Variants in JARID2 observed in about 807,000 individuals in gnomAD.
JARID2 encodes the protein jumonji and AT-rich interaction domain containing 2.
In JARID2, 21 loss-of-function variants were observed where a neutral mutation model predicts 125.6. That is an observed-to-expected ratio of 0.17 (90% CI 0.12 to 0.24). JARID2 has a LOEUF of 0.24. JARID2 is among the 10% of genes least tolerant of loss of function. The pLI is 1.00. For synonymous variants in JARID2, 736 were observed against 661.6 expected, an observed-to-expected ratio of 1.11 and a Z score of -1.73; for missense variants, 1,303 against 1,639.6, an observed-to-expected ratio of 0.79 and a Z score of 3.55.
At chr6:15,284,963 C>T (rs1216331224) in intron 1 of JARID2, among the ~76,000 whole-genome samples, 2 of 152,064 alleles carry the variant, frequency 1.3e-5, no homozygotes, top group African/African-American at 4.8e-5. Flanking sequence ...GCGCCCCTCA[C>T]CTGGATTGCA....
In JARID2 at chr6:15,452,231, G is replaced by A. The variant is rs186866031; in HGVS notation, c.493+56G>A. The A allele has an allele frequency of 2.8e-5, 44 of 1,592,826 alleles. 1 individual carries two copies. The East Asian group carries it at 9.6e-4, about 35-fold the overall frequency. On this transcript the variant is annotated intron_variant, in intron 4 of 17. Transcript: ENST00000341776. ...ACGTGGAATCTACATGTAAGCCTGA[G>A]GTCTACGTGGAGTAACCTTAGCTTT...
At chr6:15,416,179 G>A (rs1040033107) in intron 3 of JARID2, among the ~76,000 whole-genome samples, 14 of 151,892 alleles carry the variant, frequency 9.2e-5, no homozygotes, top group African/African-American at 3.1e-4. Context: ...TGGCGGCCGG[G>A]CAGAGACGCT....
At chr6:15,384,846 T>G (rs1156347005) in intron 2 of JARID2, among the ~76,000 whole-genome samples, 1 of 152,172 alleles carries the variant, frequency 6.6e-6, no homozygotes, top group Non-Finnish European at 1.5e-5. Context: ...GTGTTAGAAT[T>G]ACAGGTGTGA....
intron 3 of JARID2, among the ~76,000 whole-genome samples, chr6:15,416,510 A>G (rs1043403421): frequency 6.6e-6 from 1 of 151,848 alleles, no homozygotes; most frequent in Non-Finnish European, 1.5e-5. Context: ...ACACAGCGAA[A>G]CCCCGTCTCC....
intron 4 of JARID2, among the ~76,000 whole-genome samples, chr6:15,460,084 G>T (rs1184484645): frequency 2.6e-5 from 4 of 152,154 alleles, no homozygotes; most frequent in African/African-American, 4.8e-5. Context: ...GGGGCTTTCA[G>T]TGGCCTTAAC....
chr6:15,499,007 T>G (rs1182876389), intron 7 of JARID2, among the ~76,000 whole-genome samples: 2 of 152,150 alleles, frequency 1.3e-5, no homozygotes, highest in African/African-American at 4.8e-5. Flanking sequence ...CAGCGCCTTT[T>G]GTTTAGAGTA....
chr6:15,385,629 GC>G (rs994790586), intron 2 of JARID2, among the ~76,000 whole-genome samples: 10 of 152,034 alleles, frequency 6.6e-5, no homozygotes. Context: ...GTTGACTGCT[GC>G]TTTTCCCTGT....
At chr6:15,307,156 C>T (rs1044481915) in intron 1 of JARID2, among the ~76,000 whole-genome samples, 3 of 151,956 alleles carry the variant, frequency 2.0e-5, no homozygotes, top group Admixed American at 1.3e-4. Context: ...GCGGGAGAAT[C>T]GCCTGAACCC....
chr6:15,444,848 T>A (rs1398521087), intron 3 of JARID2, among the ~76,000 whole-genome samples: 2 of 151,370 alleles, frequency 1.3e-5, no homozygotes, highest in African/African-American at 4.9e-5. Context: ...GCTTACGTTT[T>A]TAATATTGGA....
intron 17 of JARID2, among the ~76,000 whole-genome samples, chr6:15,517,529 C>A (rs937798834): frequency 6.6e-6 from 1 of 152,240 alleles, no homozygotes; most frequent in Non-Finnish European, 1.5e-5. Context: ...AGCCGCCCCC[C>A]CGGCTTTCCC....
intron 1 of JARID2, among the ~76,000 whole-genome samples, chr6:15,304,423 C>T (rs781170296): frequency 1.3e-5 from 2 of 150,118 alleles, no homozygotes; most frequent in Non-Finnish European, 2.9e-5. Context: ...CCAGAGGATT[C>T]TAAGCCTCCA....
At chr6:15,437,473 T>C (rs902518321) in intron 3 of JARID2, among the ~76,000 whole-genome samples, 1 of 152,168 alleles carries the variant, frequency 6.6e-6, no homozygotes, top group Admixed American at 6.5e-5. Flanking sequence ...GTTACTAGGG[T>C]TGTCTATCTG....
intron 4 of JARID2, among the ~76,000 whole-genome samples, chr6:15,459,926 T>G (rs1461971633): frequency 6.6e-6 from 1 of 152,228 alleles, no homozygotes; most frequent in South Asian, 2.1e-4. Flanking sequence ...GGGAATACTT[T>G]ACATTATGTA....
chr6:15,492,420 G>C (rs1184592458), intron 6 of JARID2, among the ~76,000 whole-genome samples: 1 of 152,174 alleles, frequency 6.6e-6, no homozygotes, highest in Non-Finnish European at 1.5e-5. Context: ...GCATAACTGG[G>C]GCTGTGTGGT....
chr6:15,389,430 A>AGG (rs1179975498), intron 2 of JARID2, among the ~76,000 whole-genome samples: 2 of 152,234 alleles, frequency 1.3e-5, no homozygotes, highest in East Asian at 3.9e-4. Flanking sequence ...GTTTTCACCA[A>AGG]GGGACCCATG....
chr6:15,504,020 C>T (rs1157593723), intron 8 of JARID2, among the ~76,000 whole-genome samples: 1 of 152,226 alleles, frequency 6.6e-6, no homozygotes, highest in African/African-American at 2.4e-5. Flanking sequence ...ATGGCAAGGA[C>T]TCTCAGGGTG....
intron 1 of JARID2, among the ~76,000 whole-genome samples, chr6:15,310,072 G>T (rs2127425212): frequency 6.6e-6 from 1 of 152,260 alleles, no homozygotes; most frequent in Middle Eastern, 3.4e-3. Flanking sequence ...TGAGATTAAG[G>T]CCAGGGAGGC....
At chr6:15,366,389 T>C (rs1763974682) in intron 1 of JARID2, among the ~76,000 whole-genome samples, 2 of 151,610 alleles carry the variant, frequency 1.3e-5, no homozygotes, top group African/African-American at 4.9e-5. Context: ...TCCCATGATA[T>C]GACATTGCAT....
At position 15,424,633 on chromosome 6, in the gene JARID2, G is replaced by A. The variant is rs6909536; in HGVS notation, c.323+14268G>A. ...AGCACTTTGGGGGGCTGAGTTGGGC[G>A]GATCACCTGAGGTCGGGAGTTCGAG... On this transcript the variant is annotated intron_variant, in intron 3 of 17. Transcript: ENST00000341776. 7.2e-3 allele frequency among the ~76,000 whole-genome samples: 1,100 copies of A among 152,220 alleles called. 14 individuals carry two copies. The highest frequency in any genetic ancestry group is 0.025 in the African/African-American group (1,045 of 41,528).
Sources: gnomAD v4.1 joint callset for allele counts (sites outside exome capture counted in the v4.1 genomes callset) on GRCh38, gnomAD v4.1.1 for gene constraint, MANE v1.5 for transcripts, NCBI Gene and HGNC (gene_info 2026-07-23, HGNC 2026-07-21) for gene names.